The following CNTN5 variants were observed in gnomAD, a reference collection of about 807,000 sequenced individuals.
CNTN5 encodes contactin 5.
A neutral mutation model predicts 129.1 loss-of-function variants in CNTN5; 77 were observed. The observed-to-expected ratio is 0.60, with a 90% confidence interval of 0.50 to 0.72. The LOEUF (loss-of-function observed/expected upper bound fraction) is 0.72, where lower values mean the gene tolerates loss of function less well. CNTN5 is among the 30% of genes least tolerant of loss of function. The probability of loss-of-function intolerance (pLI) is 0.00; values close to 1 mark genes in which losing one functional copy is unlikely to be tolerated. For synonymous variants in CNTN5, 509 were observed against 465.6 expected (o/e 1.09, Z -1.20); for missense variants, 1,478 against 1,328.8 (o/e 1.11, Z -1.75).
chr11:99,743,441 A>G (rs1464300489), intron 3 of CNTN5, among the ~76,000 whole-genome samples: 1 of 152,192 alleles, frequency 6.6e-6, no homozygotes, highest in Admixed American at 6.5e-5. Flanking sequence ...ACTTATGCTG[A>G]ATTCACTGTC....
chr11:100,337,340 A>T (rs1591525208), intron 21 of CNTN5: 2 of 859,084 alleles, frequency 2.3e-6, no homozygotes, highest in East Asian at 4.9e-5. Flanking sequence ...TCTGGAAGTG[A>T]TCGATGCACA....
At chr11:99,590,212 C>T (rs573322176) in intron 3 of CNTN5, among the ~76,000 whole-genome samples, 2 of 152,236 alleles carry the variant, frequency 1.3e-5, no homozygotes, top group South Asian at 4.2e-4. Context: ...AGCATAAAAG[C>T]ATCAGTTACA....
At chr11:100,035,869 C>G (rs946571847) in intron 9 of CNTN5, among the ~76,000 whole-genome samples, 1 of 151,856 alleles carries the variant, frequency 6.6e-6, no homozygotes, top group African/African-American at 2.4e-5. Context: ...GGATATTAGC[C>G]CTTTGTCAGG....
At chr11:100,019,350 T>G (rs772736012) in intron 9 of CNTN5, among the ~76,000 whole-genome samples, 2 of 151,948 alleles carry the variant, frequency 1.3e-5, no homozygotes, top group African/African-American at 2.4e-5. Context: ...GTTCATTATT[T>G]TCAATGAATA....
intron 1 of CNTN5, among the ~76,000 whole-genome samples, chr11:99,255,604 C>A (rs1277390878): frequency 6.6e-6 from 1 of 151,242 alleles, no homozygotes; most frequent in Non-Finnish European, 1.5e-5. Flanking sequence ...AGGAGATTAA[C>A]GGACCACAAA....
chr11:99,166,276 C>A (rs2135527431), intron 1 of CNTN5, among the ~76,000 whole-genome samples: 1 of 152,012 alleles, frequency 6.6e-6, no homozygotes, highest in Non-Finnish European at 1.5e-5. Context: ...GTGGCACGCA[C>A]CTGTAGTCCC....
At chr11:100,164,958 A>G (rs908012501) in intron 13 of CNTN5, among the ~76,000 whole-genome samples, 4 of 151,812 alleles carry the variant, frequency 2.6e-5, no homozygotes, top group African/African-American at 9.7e-5. Flanking sequence ...AATATTGTAT[A>G]AATGTATATT....
chr11:99,864,443 T>C (rs772379527), intron 6 of CNTN5, among the ~76,000 whole-genome samples: 9 of 152,146 alleles, frequency 5.9e-5, no homozygotes, highest in Admixed American at 2.0e-4. Context: ...CATATCTTAT[T>C]TGTGCACCCT....
intron 13 of CNTN5, among the ~76,000 whole-genome samples, chr11:100,120,476 G>GA (rs1229241597): frequency 2.0e-5 from 3 of 151,740 alleles, no homozygotes; most frequent in Non-Finnish European, 4.4e-5. Context: ...AGAAAAATGG[G>GA]AAAAATGAAA....
chr11:99,668,763 T>G (rs1316808960), intron 3 of CNTN5, among the ~76,000 whole-genome samples: 1 of 152,114 alleles, frequency 6.6e-6, no homozygotes, highest in Non-Finnish European at 1.5e-5. Flanking sequence ...ACTTGAACTC[T>G]ACAAAAACTA....
At chr11:99,663,846 T>C (rs1160524593) in intron 3 of CNTN5, among the ~76,000 whole-genome samples, 1 of 152,148 alleles carries the variant, frequency 6.6e-6, no homozygotes, top group Admixed American at 6.6e-5. Context: ...CAGTCTCAGG[T>C]AGTATCTTTA....
chr11:100,065,885 G>A (rs1027862399), intron 10 of CNTN5, among the ~76,000 whole-genome samples: 10 of 151,984 alleles, frequency 6.6e-5, no homozygotes, highest in Non-Finnish European at 8.8e-5. Context: ...GTTTATGTAC[G>A]TTAGGTCTGA....
At chr11:99,676,258 T>G (rs528425912) in intron 3 of CNTN5, among the ~76,000 whole-genome samples, 1 of 152,308 alleles carries the variant, frequency 6.6e-6, no homozygotes, top group African/African-American at 2.4e-5. Flanking sequence ...ATTTAATATA[T>G]GATTGTTGAA....
chr11:99,760,644 C>A (rs1031198529), intron 3 of CNTN5, among the ~76,000 whole-genome samples: 1 of 152,030 alleles, frequency 6.6e-6, no homozygotes, highest in Non-Finnish European at 1.5e-5. Flanking sequence ...TAATAAAATT[C>A]CAATTTATAT....
intron 8 of CNTN5, among the ~76,000 whole-genome samples, chr11:99,978,717 A>C (rs1481500452): frequency 6.6e-6 from 1 of 152,198 alleles, no homozygotes; most frequent in Non-Finnish European, 1.5e-5. Flanking sequence ...TGATGTTTTA[A>C]CAGCAACGAA....
intron 2 of CNTN5, among the ~76,000 whole-genome samples, chr11:99,418,690 T>C (rs1176238102): frequency 5.9e-5 from 9 of 152,222 alleles, no homozygotes; most frequent in Non-Finnish European, 7.3e-5. Context: ...TTTCTTCCCA[T>C]GGCTCTAATG....
chr11:100,111,176 G>C (rs1945647617), intron 13 of CNTN5, among the ~76,000 whole-genome samples: 2 of 152,096 alleles, frequency 1.3e-5, no homozygotes, highest in Non-Finnish European at 2.9e-5. Flanking sequence ...CAGATACTGG[G>C]GAGTGGAGAG....
intron 8 of CNTN5, among the ~76,000 whole-genome samples, chr11:99,974,284 A>G (rs899575278): frequency 2.0e-5 from 3 of 152,198 alleles, no homozygotes; most frequent in African/African-American, 7.2e-5. Context: ...TACACGCCTA[A>G]TCTTTATACT....
In CNTN5 at chr11:99,143,153, TAAGGCAGAAATC is replaced by T. The variant is rs1859606460; in HGVS notation, c.-210+121884_-210+121895del. 2.6e-5 allele frequency among the ~76,000 whole-genome samples: 4 copies of T among 152,142 alleles called. No individual in the cohort carries two copies. The South Asian group carries it at 6.2e-4, about 24-fold the overall frequency. ...GTAATCATATCTTATCCGATGACATTAAGGCAGAAATCTTTAACAAGCAAACAAAAAAACAAA... is the reference window on the plus strand; with the variant it reads ...GTAATCATATCTTATCCGATGACATTTTTAACAAGCAAACAAAAAAACAAA... On this transcript the variant is annotated intron_variant, in intron 1 of 24. Transcript: ENST00000524871.
Sources: allele counts gnomAD v4.1 joint callset (sites outside exome capture counted in the v4.1 genomes callset), GRCh38; gene constraint gnomAD v4.1.1; transcripts MANE v1.5; gene names NCBI Gene and HGNC (gene_info 2026-07-23, HGNC 2026-07-21).